PASD1: variants seen among roughly 807,000 people sequenced by gnomAD.
The protein encoded by PASD1 is PAS domain containing repressor 1.
Under a neutral mutation model 58.8 loss-of-function variants are expected in PASD1, and 13 were observed. That is an observed-to-expected ratio of 0.22 (90% CI 0.14 to 0.35). PASD1 has a LOEUF of 0.35. Among genes scored for constraint, PASD1 ranks in the 10% least tolerant of loss-of-function variants. The pLI, the probability that PASD1 is intolerant of heterozygous loss-of-function variation, is 1.00. For missense variants in PASD1, 734 were observed against 568.3 expected, an observed-to-expected ratio of 1.29 and a Z score of -2.96; for synonymous variants, 236 against 216.7, an observed-to-expected ratio of 1.09 and a Z score of -0.78.
At chrX:151,567,901 T>C in intron 1 of PASD1, among the ~76,000 whole-genome samples, 1 of 111,195 alleles carries the variant, frequency 9.0e-6, no homozygotes, top group South Asian at 3.9e-4. Context: ...TTTGTTTTTT[T>C]TGTAGAGATT....
At position 151,611,682 on chromosome X, in the gene PASD1, A is replaced by G; in HGVS notation, c.136A>G (p.Ile46Val). The G allele has an allele frequency of 1.7e-6, 2 of 1,198,007 alleles. No homozygotes were observed. Among genetic ancestry groups the G allele is most frequent in the South Asian group, 3.7e-5 (2 of 54,445 alleles). The change falls in exon 4 of 16, where the codon ATT becomes GTT. Residue 46 changes from isoleucine (I) to valine (V), a missense_variant. Coordinates refer to ENST00000370357, the MANE Select transcript of PASD1 (RefSeq NM_173493.3). Reference sequence around the variant, plus strand: ...TCATTAGTTATTAGATGGCTTTATGATTACACTGAGCACAGATGGAGTGAT... The same window carrying G: ...TCATTAGTTATTAGATGGCTTTATGGTTACACTGAGCACAGATGGAGTGAT... Reference protein sequence around the residue: ...VTLQLLDGFMITLSTDGVIIC... With the variant: ...VTLQLLDGFMVTLSTDGVIIC...
chrX:151,604,246 A>G (rs1280606982), intron 2 of PASD1, among the ~76,000 whole-genome samples: 2 of 111,886 alleles, frequency 1.8e-5, no homozygotes, highest in African/African-American at 6.5e-5. Flanking sequence ...AAAGAGTGGA[A>G]TTTCATAATT....
chrX:151,627,150 T>G (rs1569408805), intron 8 of PASD1, among the ~76,000 whole-genome samples: 2 of 111,771 alleles, frequency 1.8e-5, no homozygotes, highest in Admixed American at 9.5e-5. Flanking sequence ...CAGCATGCTG[T>G]TTTTATGGAA....
chrX:151,600,852 C>T (rs1361746741), intron 1 of PASD1, among the ~76,000 whole-genome samples: 1 of 111,694 alleles, frequency 9.0e-6, no homozygotes, highest in Non-Finnish European at 1.9e-5. Flanking sequence ...CCTGAACTTT[C>T]CCTTACTTAG....
chrX:151,671,654 C>G lies in PASD1; in HGVS notation c.1312C>G (p.His438Asp). 1 of 1,211,200 alleles carries G rather than the reference C, an allele frequency of 8.3e-7. No individual in the cohort carries two copies. The highest frequency in any genetic ancestry group is 1.1e-6 in the Non-Finnish European group (1 of 894,832). ...EAVPKKQQKQHAGQVKRPLPH... is the reference protein window; with the variant it reads ...EAVPKKQQKQDAGQVKRPLPH... ...AGTGCCCAAGAAACAACAGAAACAA[C>G]ACGCTGGGCAAGTGAAGCGGCCTCT... Residue 438 changes from histidine (H) to aspartate (D), a missense_variant, in exon 13 of 16, where the codon CAC becomes GAC. By Grantham distance (81) the His-to-Asp change is moderately conservative (BLOSUM62 -1). Transcript: ENST00000370357.
chrX:151,627,447 C>T (rs1214430754), intron 8 of PASD1, among the ~76,000 whole-genome samples: 1 of 109,415 alleles, frequency 9.1e-6, no homozygotes, highest in East Asian at 2.9e-4. Context: ...TGAGTGAGGA[C>T]ATGCAGTGTT....
At chrX:151,619,353 G>C (rs1307513309) in intron 4 of PASD1, among the ~76,000 whole-genome samples, 7 of 111,365 alleles carry the variant, frequency 6.3e-5, no homozygotes, top group African/African-American at 2.0e-4. Flanking sequence ...AATCCGATTA[G>C]ACATCCAAGT....
chrX:151,592,283 C>G (rs1427423659), intron 1 of PASD1, among the ~76,000 whole-genome samples: 1 of 111,992 alleles, frequency 8.9e-6, no homozygotes, highest in Admixed American at 9.5e-5. Flanking sequence ...TTGAGACATC[C>G]CTTACACAGA....
At chrX:151,673,894 T>C (rs1260366773) in intron 14 of PASD1, 34 bp from the exon 15 acceptor site, 6 of 1,206,753 alleles carry the variant, frequency 5.0e-6, no homozygotes, top group Non-Finnish European at 6.7e-6. Flanking sequence ...CATGTCCAGA[T>C]CCACATCACT....
chrX:151,604,739 G>C lies in PASD1; in HGVS notation c.117+5G>C, dbSNP rs757928748. Reference sequence around the variant, plus strand: ...TTCAACCAAGTGACGCTACAGGTAAGAGGGCTTTTGTTCTTTGATTACTTC... The same window carrying C: ...TTCAACCAAGTGACGCTACAGGTAACAGGGCTTTTGTTCTTTGATTACTTC... On this transcript the variant is annotated splice_donor_5th_base_variant and intron_variant, in intron 3 of 15. Transcript: ENST00000370357. The C allele has an allele frequency of 1.7e-6, 2 of 1,174,105 alleles. No individual in the cohort carries two copies. The highest frequency in any genetic ancestry group is 3.5e-5 in the African/African-American group (2 of 56,691).
At position 151,672,210 on chromosome X, in the gene PASD1, C is replaced by G. The variant is rs750330434; in HGVS notation, c.1465C>G (p.Leu489Val). The G allele has an allele frequency of 8.6e-7, 1 of 1,159,568 alleles. No homozygotes were observed. Among genetic ancestry groups the G allele is most frequent in the African/African-American group, 1.8e-5 (1 of 55,174 alleles). ...QQQLVQQEQH[L>V]KEQQRQLREQ... The stretch of plus-strand genomic sequence containing the variant: ...GCAACTGGTGCAGCAAGAACAACAC[C>G]TGAAGGAGCAGCAGCGGCAGCTGCG... Residue 489 changes from leucine (L) to valine (V), a missense_variant, in exon 14 of 16, where the codon CTG becomes GTG. By Grantham distance (32) the Leu-to-Val change is conservative. Transcript: ENST00000370357.
chrX:151,644,497 A>G (rs1269509316), intron 8 of PASD1, among the ~76,000 whole-genome samples: 1 of 112,151 alleles, frequency 8.9e-6, no homozygotes, highest in Non-Finnish European at 1.9e-5. Context: ...GAATAGAGAA[A>G]TGATAGTGCA....
At chrX:151,636,503 A>G (rs1265980813) in intron 8 of PASD1, among the ~76,000 whole-genome samples, 2 of 111,442 alleles carry the variant, frequency 1.8e-5, no homozygotes, top group Non-Finnish European at 3.8e-5. Context: ...TCCCAGGTTC[A>G]AATGATTCTC....
In PASD1 at chrX:151,674,197, GC is replaced by G. The variant is rs1467579549; in HGVS notation, c.2175+16del. 8.3e-7 allele frequency: 1 copy of G among 1,210,327 alleles called. No homozygotes were observed. The highest frequency in any genetic ancestry group is 1.7e-5 in the African/African-American group (1 of 57,817). ...CCCACCTACCATCAGGTATGGGACAGCCCCCTCCTTTTCCTTCCAGCGCAGG... is the reference window on the plus strand; with the variant it reads ...CCCACCTACCATCAGGTATGGGACAGCCCCTCCTTTTCCTTCCAGCGCAGG... On this transcript the variant is annotated intron_variant, in intron 15 of 15. Coordinates refer to ENST00000370357, the MANE Select transcript of PASD1 (RefSeq NM_173493.3).
At chrX:151,588,257 C>T (rs186427497) in intron 1 of PASD1, among the ~76,000 whole-genome samples, 182 of 112,196 alleles carry the variant, frequency 1.6e-3, no homozygotes, top group African/African-American at 5.7e-3. Context: ...CCTGATAGTG[C>T]GCAGCAATTT....
intron 8 of PASD1, among the ~76,000 whole-genome samples, chrX:151,647,667 G>A (rs768271003): frequency 1.6e-3 from 171 of 110,007 alleles, no homozygotes; most frequent in Middle Eastern, 9.6e-3. Context: ...TAAATATTAC[G>A]TATTTTGGAT....
intron 8 of PASD1, among the ~76,000 whole-genome samples, chrX:151,638,164 A>G (rs1229174180): frequency 1.8e-5 from 2 of 110,857 alleles, no homozygotes; most frequent in Admixed American, 9.7e-5. Flanking sequence ...TACTCATACA[A>G]AACGATCATT....
chrX:151,564,471 G>C (rs1002776187), intron 1 of PASD1, among the ~76,000 whole-genome samples: 1 of 111,134 alleles, frequency 9.0e-6, no homozygotes, highest in African/African-American at 3.3e-5. Context: ...ATGATGAGGA[G>C]TTTATGTCAG....
intron 1 of PASD1, among the ~76,000 whole-genome samples, chrX:151,576,766 T>G (rs902504115): frequency 4.5e-5 from 5 of 112,216 alleles, no homozygotes; most frequent in Admixed American, 3.8e-4. Flanking sequence ...TTTCGCCAAC[T>G]ACTGTAATTT....
Sources: gnomAD v4.1 joint callset for allele counts (sites outside exome capture counted in the v4.1 genomes callset) on GRCh38, gnomAD v4.1.1 for gene constraint, MANE v1.5 for transcripts, NCBI Gene and HGNC (gene_info 2026-07-23, HGNC 2026-07-21) for gene names.